The following BTBD7 variants were observed in gnomAD, a reference collection of about 807,000 sequenced individuals.
The protein encoded by BTBD7 is BTB/POZ domain-containing protein 7.
A neutral mutation model predicts 99.9 loss-of-function variants in BTBD7; 38 were observed. The ratio of observed to expected loss-of-function variants is 0.38; its 90% CI spans 0.29 to 0.50. The LOEUF is 0.50. Ranked by LOEUF, BTBD7 falls within the 20% of genes least tolerant of loss-of-function variation. The probability of loss-of-function intolerance (pLI) is 0.93; values close to 1 mark genes in which losing one functional copy is unlikely to be tolerated. For synonymous variants in BTBD7, 520 were observed against 511.4 expected, an observed-to-expected ratio of 1.02 and a Z score of -0.23; for missense variants, 1,170 against 1,394.6, an observed-to-expected ratio of 0.84 and a Z score of 2.57.
intron 5 of BTBD7, among the ~76,000 whole-genome samples, chr14:93,258,220 T>C (rs2052451604): frequency 6.6e-6 from 1 of 151,728 alleles, no homozygotes; most frequent in Admixed American, 6.6e-5. Flanking sequence ...TGTGTGTGTG[T>C]ATGAGAGAGA....
chr14:93,323,498 C>G (rs965398488), intron 1 of BTBD7, among the ~76,000 whole-genome samples: 1 of 152,148 alleles, frequency 6.6e-6, no homozygotes, highest in African/African-American at 2.4e-5. Context: ...TTTCTGCTTA[C>G]AAGAAAATTC....
At chr14:93,297,358 T>G (rs951010764) in intron 1 of BTBD7, among the ~76,000 whole-genome samples, 4 of 152,252 alleles carry the variant, frequency 2.6e-5, no homozygotes, top group Non-Finnish European at 4.4e-5. Context: ...AGTCTCGCTC[T>G]GGCGCCCAGG....
chr14:93,265,877 G>A (rs1057472986), intron 3 of BTBD7, among the ~76,000 whole-genome samples: 11 of 152,178 alleles, frequency 7.2e-5, no homozygotes, highest in African/African-American at 2.2e-4. Flanking sequence ...AGCTGAGATC[G>A]CACCACTGCA....
At chr14:93,325,450 C>G (rs1284074490) in intron 1 of BTBD7, among the ~76,000 whole-genome samples, 2 of 151,918 alleles carry the variant, frequency 1.3e-5, no homozygotes, top group Non-Finnish European at 2.9e-5. Flanking sequence ...ACATAATTGT[C>G]ATAGTAATAT....
At chr14:93,291,848 C>A (rs1176289340) in intron 3 of BTBD7, among the ~76,000 whole-genome samples, 1 of 151,244 alleles carries the variant, frequency 6.6e-6, no homozygotes, top group Non-Finnish European at 1.5e-5. Flanking sequence ...TCAAGTATTA[C>A]CAAAGATCTT....
chr14:93,307,600 C>G lies in BTBD7; in HGVS notation c.-106-11443G>C, dbSNP rs534696039. Among the ~76,000 whole-genome samples, 42 of 152,340 alleles carry G rather than the reference C, an allele frequency of 2.8e-4. No homozygotes were observed. In the East Asian group the frequency reaches 7.3e-3, roughly 27 times the overall value. On this transcript the variant is annotated intron_variant, in intron 1 of 10. Transcript: ENST00000334746. ...TCCTACCTCAGGGCTCTTCCCTTTGCCTGTACCACTCTTCTGAAACATCTT... is the reference window on the plus strand; with the variant it reads ...TCCTACCTCAGGGCTCTTCCCTTTGGCTGTACCACTCTTCTGAAACATCTT...
intron 1 of BTBD7, among the ~76,000 whole-genome samples, chr14:93,306,424 C>T (rs979842130): frequency 3.6e-5 from 5 of 139,856 alleles, no homozygotes. Flanking sequence ...GGCAACAAAA[C>T]AACCTCATCT....
chr14:93,257,891 C>A (rs2052447263), intron 5 of BTBD7, among the ~76,000 whole-genome samples: 1 of 150,096 alleles, frequency 6.7e-6, no homozygotes, highest in South Asian at 2.1e-4. Context: ...CCCAAATTTC[C>A]ATAATATGGG....
At chr14:93,324,207 G>C (rs2139828588) in intron 1 of BTBD7, among the ~76,000 whole-genome samples, 1 of 152,260 alleles carries the variant, frequency 6.6e-6, no homozygotes, top group Admixed American at 6.5e-5. Context: ...GGGAGACTGA[G>C]GTGGGAGGAT....
At chr14:93,273,725 G>A (rs944566164) in intron 3 of BTBD7, among the ~76,000 whole-genome samples, 2 of 152,200 alleles carry the variant, frequency 1.3e-5, no homozygotes, top group Non-Finnish European at 2.9e-5. Flanking sequence ...GATAATGCTT[G>A]TTCTCTTTAA....
intron 3 of BTBD7, among the ~76,000 whole-genome samples, chr14:93,284,672 C>T (rs2062841): frequency 0.61 from 92,203 of 151,836 alleles, 30,327 homozygotes; most frequent in African/African-American, 0.88. Context: ...CAAAACAAGT[C>T]AGAAGATATA....
chr14:93,304,298 T>TC (rs1197559912), intron 1 of BTBD7, among the ~76,000 whole-genome samples: 1 of 152,242 alleles, frequency 6.6e-6, no homozygotes, highest in Non-Finnish European at 1.5e-5. Flanking sequence ...GAAAGATGGT[T>TC]CACTCTAGAT....
intron 2 of BTBD7, 123 bp from the exon 3 acceptor site, chr14:93,295,060 G>T: frequency 1.0e-6 from 1 of 959,576 alleles, no homozygotes; most frequent in South Asian, 2.0e-5. Context: ...AATTGCATTT[G>T]TTTTTTATAA....
At chr14:93,300,770 G>T (rs867672142) in intron 1 of BTBD7, among the ~76,000 whole-genome samples, 1 of 36,320 alleles carries the variant, frequency 2.8e-5, no homozygotes, top group East Asian at 7.9e-4. Flanking sequence ...GTGTGTGTGT[G>T]TGTATATATA....
At chr14:93,326,404 T>G (rs749926071) in intron 1 of BTBD7, among the ~76,000 whole-genome samples, 75 of 152,178 alleles carry the variant, frequency 4.9e-4, no homozygotes, top group Middle Eastern at 6.8e-3. Context: ...GTAGTTGAGG[T>G]TCTGGTGAGT....
At position 93,241,526 on chromosome 14, in the gene BTBD7, T is replaced by G. The variant is rs931560069; in HGVS notation, c.*747A>C. The G allele has an allele frequency of 2.0e-5, 3 of 152,236 alleles. No homozygotes were observed. The highest frequency in any genetic ancestry group is 2.9e-5 in the Non-Finnish European group (2 of 68,116). The allele number at this position is 152,236 out of a possible 1,614,324, so 9.4% of individuals were successfully genotyped here. On this transcript the variant is annotated 3_prime_UTR_variant, in exon 11 of 11. Transcript: ENST00000334746. The stretch of plus-strand genomic sequence containing the variant: ...GTGACTCTAATCCTTATGACCAGAA[T>G]GTGCAGGGATTCTGACTGCATCCAC...
chr14:93,306,933 C>G (rs1393816451), intron 1 of BTBD7, among the ~76,000 whole-genome samples: 1 of 152,136 alleles, frequency 6.6e-6, no homozygotes, highest in Non-Finnish European at 1.5e-5. Context: ...CTTCCCTGAA[C>G]AGATGATAAA....
In BTBD7 at chr14:93,242,128, A is replaced by G. The variant is rs1595279817; in HGVS notation, c.*145T>C. The G allele has an allele frequency of 4.3e-6, 3 of 698,224 alleles. No homozygotes were observed. The East Asian group carries it at 8.2e-5, about 19-fold the overall frequency. 43.3% of individuals were successfully genotyped at this position (698,224 alleles called of 1,614,324 possible). A position where few individuals can be genotyped will look rare whatever the true frequency, so the allele number is the denominator to read the frequency against. Reference sequence around the variant, plus strand: ...ACCTTCTTAGCATGCCATGTCTAATAAACACATATATACACAAAAACTAGA... The same window carrying G: ...ACCTTCTTAGCATGCCATGTCTAATGAACACATATATACACAAAAACTAGA... On this transcript the variant is annotated 3_prime_UTR_variant, in exon 11 of 11. Transcript: ENST00000334746.
chr14:93,252,153 T>C (rs2139686014), intron 7 of BTBD7, among the ~76,000 whole-genome samples: 1 of 152,018 alleles, frequency 6.6e-6, no homozygotes, highest in East Asian at 1.9e-4. Context: ...CTACTAAACA[T>C]GCACAAATTA....
Sources: allele counts gnomAD v4.1 joint callset (sites outside exome capture counted in the v4.1 genomes callset), GRCh38; gene constraint gnomAD v4.1.1; transcripts MANE v1.5; gene names NCBI Gene and HGNC (gene_info 2026-07-23, HGNC 2026-07-21).